KIF26A: variants seen among roughly 807,000 people sequenced by gnomAD.
KIF26A encodes kinesin-like protein KIF26A.
A neutral mutation model predicts 126.0 loss-of-function variants in KIF26A; 74 were observed. That is an observed-to-expected ratio of 0.59 (90% CI 0.49 to 0.71). The LOEUF is 0.71. Among genes scored for constraint, KIF26A ranks in the 30% least tolerant of loss-of-function variants. KIF26A has a pLI of 0.00. For missense variants in KIF26A, 2,984 were observed against 2,763.3 expected (o/e 1.08, Z -1.79); for synonymous variants, 1,445 against 1,232.7 (o/e 1.17, Z -3.61).
At position 104,152,696 on chromosome 14, in the gene KIF26A, C is replaced by T. The variant is rs879918981; in HGVS notation, c.735+235C>T. On this transcript the variant is annotated intron_variant, in intron 3 of 14. Transcript: ENST00000423312. The surrounding 1 kb of genome is among the most constrained non-coding windows in gnomAD (Gnocchi z 5.9). The stretch of plus-strand genomic sequence containing the variant: ...TCAGGGAATACCTTCTCTGGGAGCA[C>T]GTGCCCCTCCCTGTCTGTCTTTTGA... Among the ~76,000 whole-genome samples the T allele has an allele frequency of 2.6e-5, 4 of 152,324 alleles. No individual in the cohort carries two copies. The highest frequency in any genetic ancestry group is 2.1e-4 in the South Asian group (1 of 4,826).
At chr14:104,164,472 G>T (rs2037862180) in intron 4 of KIF26A, among the ~76,000 whole-genome samples, 1 of 152,182 alleles carries the variant, frequency 6.6e-6, no homozygotes, top group Non-Finnish European at 1.5e-5. Context: ...CCGGGGTAGG[G>T]GCTCTGGGTG....
intron 4 of KIF26A, among the ~76,000 whole-genome samples, chr14:104,159,507 G>A (rs766653041): frequency 1.2e-4 from 18 of 152,218 alleles, no homozygotes; most frequent in Non-Finnish European, 5.9e-5. Context: ...AGGCCGGTGC[G>A]TTGGTGACCT....
In KIF26A at chr14:104,172,620, G is replaced by A. The variant is rs1470609219; in HGVS notation, c.1372G>A (p.Val458Ile). 7 of 1,613,188 alleles carry A rather than the reference G, an allele frequency of 4.3e-6. No individual in the cohort carries two copies. The highest frequency in any genetic ancestry group is 1.7e-5 in the Admixed American group (1 of 59,988). ...CGTGGCCGACGTGCTCCAGTCGGTGGTCAGTGGGGCTGATGGCTGCATTTT... is the reference window on the plus strand; with the variant it reads ...CGTGGCCGACGTGCTCCAGTCGGTGATCAGTGGGGCTGATGGCTGCATTTT... ...GTVADVLQSV[V>I]SGADGCIFSF... Residue 458 changes from valine to isoleucine, a missense_variant, in exon 7 of 15, where the codon GTC (valine) becomes ATC (isoleucine). Coordinates refer to ENST00000423312, the MANE Select transcript of KIF26A (RefSeq NM_015656.2).
chr14:104,175,722 G>A lies in KIF26A; in HGVS notation c.2934G>A (p.Arg978=), dbSNP rs1397265919. ...PGGGGTDGVA[R]TPPVGMSGQV... is the part of the protein sequence containing the mutation. ...GAGGGGGCACTGATGGAGTGGCACG[G>A]ACCCCTCCCGTGGGCATGAGTGGGC... Residue 978 remains arginine (R), a synonymous_variant, in exon 12 of 15, where the codon CGG becomes CGA. Coordinates refer to ENST00000423312, the MANE Select transcript of KIF26A (RefSeq NM_015656.2). The A allele has an allele frequency of 1.1e-5, 17 of 1,578,154 alleles. No individual in the cohort carries two copies. The highest frequency in any genetic ancestry group is 1.3e-5 in the African/African-American group (1 of 74,298).
intron 4 of KIF26A, 23 bp downstream of exon 4, chr14:104,157,965 C>T (rs1332541213): frequency 4.1e-6 from 6 of 1,475,674 alleles, no homozygotes; most frequent in African/African-American, 1.5e-5. Context: ...GCTTCCTGGG[C>T]AGCCTTGTGG....
At chr14:104,139,429 C>T (rs1242953843) in intron 2 of KIF26A, 141 bp downstream of exon 2, 1 of 1,113,988 alleles carries the variant, frequency 9.0e-7, no homozygotes, top group East Asian at 3.2e-5. Flanking sequence ...GACTTCCCTT[C>T]TGCGGGCCTC....
At chr14:104,155,667 G>C (rs1009221148) in intron 3 of KIF26A, among the ~76,000 whole-genome samples, 1 of 152,256 alleles carries the variant, frequency 6.6e-6, no homozygotes, top group Admixed American at 6.5e-5. Flanking sequence ...GGCAGTGGCC[G>C]TCCCGGCGGA....
chr14:104,160,732 T>G (rs2037825524), intron 4 of KIF26A, among the ~76,000 whole-genome samples: 1 of 152,202 alleles, frequency 6.6e-6, no homozygotes, highest in South Asian at 2.1e-4. Context: ...GTGCCGGCGC[T>G]GGGAGCCTCT....
intron 7 of KIF26A, 136 bp downstream of exon 7, chr14:104,172,804 G>A (rs1342672885): frequency 1.8e-6 from 2 of 1,096,782 alleles, no homozygotes; most frequent in Admixed American, 5.2e-5. Context: ...ATGGGGTGAG[G>A]GGCTTGTGGA....
In KIF26A at chr14:104,174,268, G is replaced by T; in HGVS notation, c.2151G>T (p.Gln717His). 2 of 1,564,534 alleles carry T rather than the reference G, an allele frequency of 1.3e-6. No individual in the cohort carries two copies. The highest frequency in any genetic ancestry group is 1.7e-6 in the Non-Finnish European group (2 of 1,155,710). Residue 717 changes from glutamine to histidine, a missense_variant, in exon 11 of 15, where the codon CAG (glutamine) becomes CAT (histidine). Physicochemically the swap from Gln to His is conservative, Grantham distance 24. Transcript: ENST00000423312. Reference sequence around the variant, plus strand: ...ACGCAGAGACACTCAGCACCGTGCAGCTCGCCGCCCGCATCCACCGCCTGC... The same window carrying T: ...ACGCAGAGACACTCAGCACCGTGCATCTCGCCGCCCGCATCCACCGCCTGC... ...AQHAETLSTV[Q>H]LAARIHRLRR...
intron 3 of KIF26A, among the ~76,000 whole-genome samples, chr14:104,154,009 G>A (rs79462677): frequency 4.6e-5 from 7 of 152,156 alleles, no homozygotes; most frequent in East Asian, 1.9e-4. Flanking sequence ...ACAGCAGTCC[G>A]GGCGATCGAT....
chr14:104,179,707 G>T lies in KIF26A; in HGVS notation c.5566G>T (p.Ala1856Ser). 6.4e-7 allele frequency: 1 copy of T among 1,550,964 alleles called. No homozygotes were observed. Among genetic ancestry groups the T allele is most frequent in the Non-Finnish European group, 8.7e-7 (1 of 1,147,492 alleles). Reference sequence around the variant, plus strand: ...GGAGCAGTGCGTGAACCTGTGCAAGGCGCACGTCATGATGGTCACCTGCTT... The same window carrying T: ...GGAGCAGTGCGTGAACCTGTGCAAGTCGCACGTCATGATGGTCACCTGCTT... ...ALEQCVNLCK[A>S]HVMMVTCFDI... is the part of the protein sequence containing the mutation. The change falls in exon 15 of 15, where the codon GCG becomes TCG. Residue 1856 changes from alanine (A) to serine (S), a missense_variant. Transcript: ENST00000423312.
chr14:104,156,101 C>T (rs1314918563), intron 3 of KIF26A, among the ~76,000 whole-genome samples: 1 of 152,194 alleles, frequency 6.6e-6, no homozygotes, highest in Non-Finnish European at 1.5e-5. Flanking sequence ...GAGAACTGGC[C>T]CTGGGTGCTG....
At position 104,176,142 on chromosome 14, in the gene KIF26A, C is replaced by T. The variant is rs375291462; in HGVS notation, c.3354C>T (p.Ser1118=). 6.9e-4 allele frequency: 1,089 copies of T among 1,583,726 alleles called. 1 individual carries two copies. Among genetic ancestry groups the T allele is most frequent in the African/African-American group, 3.0e-3 (220 of 74,400 alleles). ...SSISSWLSEV[S]VCTADSRDPT... ...TCAGCTCCTGGCTCAGCGAGGTCAG[C>T]GTCTGCACTGCCGACAGCCGTGACC... Residue 1118 remains serine (S), a synonymous_variant, in exon 12 of 15, where the codon AGC becomes AGT. Coordinates refer to ENST00000423312, the MANE Select transcript of KIF26A (RefSeq NM_015656.2).
Position 104,178,746 on chromosome 14 carries a change from C to A in KIF26A, c.5307C>A (p.Ala1769=), listed in dbSNP as rs757080688. The A allele has an allele frequency of 7.2e-5, 110 of 1,524,624 alleles. 1 individual carries two copies. The highest frequency in any genetic ancestry group is 2.8e-4 in the Admixed American group (14 of 49,758). The allele number at this position is 1,524,624 out of a possible 1,614,324, so 94.4% of individuals were successfully genotyped here. The stretch of plus-strand genomic sequence containing the variant: ...GGCCCCGCCCCACCCCGAGGGAGGC[C>A]CCCACCCAGGTAGGGCCTTTGGTGG... The part of the protein sequence containing the change: ...LQRPRPTPRE[A]PTQGLACVST... The change falls in exon 13 of 15, where the codon GCC becomes GCA. Residue 1769 remains alanine (A), a synonymous_variant. Coordinates refer to ENST00000423312, the MANE Select transcript of KIF26A (RefSeq NM_015656.2).
intron 2 of KIF26A, among the ~76,000 whole-genome samples, chr14:104,150,721 C>T (rs762404985): frequency 3.9e-5 from 6 of 152,192 alleles, no homozygotes; most frequent in Non-Finnish European, 8.8e-5. Context: ...GGAGTCCGGT[C>T]TTGCCTGGAA....
intron 5 of KIF26A, among the ~76,000 whole-genome samples, chr14:104,167,279 CA>C (rs895527618): frequency 1.3e-5 from 2 of 151,990 alleles, no homozygotes; most frequent in African/African-American, 4.8e-5. Context: ...CTAGGGGTCC[CA>C]GGGGCATGTA....
chr14:104,178,756 G>T lies in KIF26A; in HGVS notation c.5316+1G>T, dbSNP rs1189020488. ...CACCCCGAGGGAGGCCCCCACCCAG[G>T]TAGGGCCTTTGGTGGGCTGGGGTCT... On this transcript the variant is annotated splice_donor_variant, in intron 13 of 14. Coordinates refer to ENST00000423312, the MANE Select transcript of KIF26A (RefSeq NM_015656.2). LOFTEE classifies it high-confidence loss of function. 6.7e-7 allele frequency: 1 copy of T among 1,498,192 alleles called. No individual in the cohort carries two copies. Among genetic ancestry groups the T allele is most frequent in the African/African-American group, 1.4e-5 (1 of 71,740 alleles). 92.8% of individuals were successfully genotyped at this position (1,498,192 alleles called of 1,614,324 possible). A position where few individuals can be genotyped will look rare whatever the true frequency, so the allele number is the denominator to read the frequency against.
rs371515247 is a variant in KIF26A, at chr14:104,179,975, G to T, written c.*185G>T. On this transcript the variant is annotated 3_prime_UTR_variant, in exon 15 of 15. Transcript: ENST00000423312. Reference sequence around the variant, plus strand: ...CGGCCACGCGGTGGACAGAGCGAGGGTGCCAGGGTGACCAGAAGACCGTCA... The same window carrying T: ...CGGCCACGCGGTGGACAGAGCGAGGTTGCCAGGGTGACCAGAAGACCGTCA... 8.1e-4 allele frequency: 492 copies of T among 604,096 alleles called. 4 individuals are homozygous for T. The highest frequency in any genetic ancestry group is 8.1e-3 in the African/African-American group (425 of 52,704). The allele number at this position is 604,096 out of a possible 1,614,324, so 37.4% of individuals were successfully genotyped here.
Sources: gnomAD v4.1 joint callset for allele counts (sites outside exome capture counted in the v4.1 genomes callset) on GRCh38, gnomAD v4.1.1 for gene constraint, Gnocchi (gnomAD v3.1) non-coding constraint, MANE v1.5 for transcripts, NCBI Gene and HGNC (gene_info 2026-07-23, HGNC 2026-07-21) for gene names.